Variants in TTC7B observed in about 807,000 individuals in gnomAD.
TTC7B encodes the protein tetratricopeptide repeat protein 7B.
In TTC7B, 28 loss-of-function variants were observed where a neutral mutation model predicts 106.8. That is an observed-to-expected ratio of 0.26 (90% confidence interval 0.19 to 0.36). TTC7B has a LOEUF of 0.36. Ranked by LOEUF, TTC7B falls within the 10% of genes least tolerant of loss-of-function variation. The pLI, the probability that TTC7B is intolerant of heterozygous loss-of-function variation, is 1.00. For missense variants in TTC7B, 862 were observed against 1,076.4 expected (o/e 0.80, Z 2.79); for synonymous variants, 405 against 430.6 (o/e 0.94, Z 0.74).
At chr14:90,801,274 G>T (rs890329310) in intron 1 of TTC7B, among the ~76,000 whole-genome samples, 13 of 146,894 alleles carry the variant, frequency 8.8e-5, no homozygotes, top group African/African-American at 2.8e-4. Flanking sequence ...GCAGCCTCTA[G>T]AAGCTGGAAA....
intron 1 of TTC7B, among the ~76,000 whole-genome samples, chr14:90,801,851 A>C (rs1208951421): frequency 1.3e-5 from 2 of 152,148 alleles, no homozygotes; most frequent in Non-Finnish European, 2.9e-5. Context: ...ACCTGAGGTC[A>C]GGAGTTCGAG....
At chr14:90,778,590 C>CCACA (rs10611473) in intron 3 of TTC7B, among the ~76,000 whole-genome samples, 6,211 of 150,882 alleles carry the variant, frequency 0.041, 161 homozygotes, top group Non-Finnish European at 0.057. Flanking sequence ...CTGTTGCTGG[C>CCACA]CACACACACA....
intron 3 of TTC7B, among the ~76,000 whole-genome samples, chr14:90,768,124 A>G (rs1266623395): frequency 6.6e-6 from 1 of 152,234 alleles, no homozygotes; most frequent in Non-Finnish European, 1.5e-5. Flanking sequence ...CTCATCAGAA[A>G]CATAAGAGGC....
intron 17 of TTC7B, chr14:90,601,861 A>G (rs2139831239): frequency 3.5e-6 from 1 of 288,982 alleles, no homozygotes; most frequent in South Asian, 3.4e-5. Context: ...TGGAATTTAC[A>G]TTTTTACAGA....
intron 12 of TTC7B, 60 bp downstream of exon 12, chr14:90,654,933 G>A (rs1486914182): frequency 7.6e-6 from 10 of 1,307,530 alleles, no homozygotes; most frequent in Non-Finnish European, 1.1e-5. Flanking sequence ...AATCCCGCAG[G>A]GTAGACTTAG....
At chr14:90,761,444 C>G (rs746752167) in intron 3 of TTC7B, among the ~76,000 whole-genome samples, 5 of 152,252 alleles carry the variant, frequency 3.3e-5, no homozygotes, top group African/African-American at 1.2e-4. Context: ...AGACCATTTT[C>G]CACACCCCTA....
chr14:90,543,080 A>G, intron 19 of TTC7B, among the ~76,000 whole-genome samples: 1 of 152,332 alleles, frequency 6.6e-6, no homozygotes, highest in Middle Eastern at 3.4e-3. Context: ...TTGAGGTTAA[A>G]TATTTCCCAT....
intron 1 of TTC7B, among the ~76,000 whole-genome samples, chr14:90,806,601 C>T (rs111686054): frequency 1.8e-3 from 275 of 152,306 alleles, no homozygotes; most frequent in African/African-American, 5.7e-3. Flanking sequence ...CACAAAATAA[C>T]CTTGCAGATA....
Position 90,644,118 on chromosome 14 carries a change from C to A in TTC7B, c.1681G>T (p.Ala561Ser). ...AGAGCGTCATGGTAATGCTTCTGTG[C>A]TGACAGCAGGAGGGCAAGGAGGTGC... is the stretch of plus-strand genomic sequence containing the variant. Reference protein sequence around the residue: ...SLHLLALLLSAQKHYHDALNI... With the variant: ...SLHLLALLLSSQKHYHDALNI... Residue 561 changes from alanine (A) to serine (S), a missense_variant, in exon 15 of 20, where the codon GCA becomes TCA. Transcript: ENST00000328459. The A allele has an allele frequency of 6.2e-7, 1 of 1,614,106 alleles. No homozygotes were observed. Among genetic ancestry groups the A allele is most frequent in the African/African-American group, 1.3e-5 (1 of 75,022 alleles).
In TTC7B at chr14:90,655,115, A is replaced by G. The variant is rs749711741; in HGVS notation, c.1342-5T>C. The G allele has an allele frequency of 6.2e-7, 1 of 1,605,980 alleles. No individual in the cohort carries two copies. Among genetic ancestry groups the G allele is most frequent in the South Asian group, 1.1e-5 (1 of 90,952 alleles). On this transcript the variant is annotated splice_polypyrimidine_tract_variant and splice_region_variant and intron_variant, in intron 11 of 19. Transcript: ENST00000328459. ...AAACTTTTCAGCCTCTTCCAACTGA[A>G]AAATGAGACAAGTTAAAAACAACAA... is the stretch of plus-strand genomic sequence containing the variant.
chr14:90,693,742 C>A (rs887831272), intron 6 of TTC7B, among the ~76,000 whole-genome samples: 1 of 152,122 alleles, frequency 6.6e-6, no homozygotes, highest in Non-Finnish European at 1.5e-5. Context: ...AAATTGGAAC[C>A]CTCATAACTG....
intron 9 of TTC7B, among the ~76,000 whole-genome samples, chr14:90,669,433 T>C (rs759339616): frequency 5.9e-5 from 9 of 151,932 alleles, no homozygotes; most frequent in Non-Finnish European, 8.8e-5. Flanking sequence ...GCATGGTAGC[T>C]CATGCCTGTA....
intron 11 of TTC7B, among the ~76,000 whole-genome samples, chr14:90,656,144 C>T (rs1885938607): frequency 6.6e-6 from 1 of 152,200 alleles, no homozygotes; most frequent in African/African-American, 2.4e-5. Context: ...ATCTTTTCTA[C>T]ATTTTCCCAA....
intron 19 of TTC7B, among the ~76,000 whole-genome samples, chr14:90,554,452 T>C (rs1890216964): frequency 6.6e-6 from 1 of 152,236 alleles, no homozygotes; most frequent in African/African-American, 2.4e-5. Flanking sequence ...TTGTTCACTC[T>C]GCTCCAACCA....
At chr14:90,630,839 T>G (rs1884668934) in intron 15 of TTC7B, among the ~76,000 whole-genome samples, 1 of 91,778 alleles carries the variant, frequency 1.1e-5, no homozygotes, top group Non-Finnish European at 2.9e-5. Context: ...TTGTTTTTTG[T>G]TTTTTTTTTT....
intron 19 of TTC7B, among the ~76,000 whole-genome samples, chr14:90,566,553 A>G (rs561126020): frequency 4.9e-4 from 74 of 152,314 alleles, no homozygotes; most frequent in African/African-American, 1.8e-3. Flanking sequence ...AAAAAAAAGA[A>G]TGAAAACACT....
At position 90,807,452 on chromosome 14, in the gene TTC7B, C is replaced by T. The variant is rs1485401063; in HGVS notation, c.121+8723G>A. Among the ~76,000 whole-genome samples, 1 of 152,204 alleles carries T rather than the reference C, an allele frequency of 6.6e-6. No individual in the cohort carries two copies. Among genetic ancestry groups the T allele is most frequent in the Admixed American group, 6.5e-5 (1 of 15,280 alleles). ...TCCTGAGTCCCTAAACCACTAAGAC[C>T]TCCTGAAGCAGAAGCTCAGGCCCAG... On this transcript the variant is annotated intron_variant, in intron 1 of 19. Coordinates refer to ENST00000328459, the MANE Select transcript of TTC7B (RefSeq NM_001010854.2). The surrounding 1 kb of genome is among the most constrained non-coding windows in gnomAD (Gnocchi z 4.1).
chr14:90,657,413 G>A lies in TTC7B; in HGVS notation c.1237-135C>T, dbSNP rs948494947. 131 of 707,900 alleles carry A rather than the reference G, an allele frequency of 1.9e-4. No individual in the cohort carries two copies. Among genetic ancestry groups the A allele is most frequent in the Non-Finnish European group, 2.9e-4 (127 of 434,560 alleles). The allele number at this position is 707,900 out of a possible 1,614,324, so 43.9% of individuals were successfully genotyped here. ...CAACTTTAAGCCCAAGCAAGCGGGGGCCTGAGGTGCATGAAAACCAGAGCC... is the reference window on the plus strand; with the variant it reads ...CAACTTTAAGCCCAAGCAAGCGGGGACCTGAGGTGCATGAAAACCAGAGCC... On this transcript the variant is annotated intron_variant, in intron 10 of 19. Coordinates refer to ENST00000328459, the MANE Select transcript of TTC7B (RefSeq NM_001010854.2). This position sits in a 1 kb window ranked among gnomAD's most constrained non-coding sequence, Gnocchi z 4.2.
At chr14:90,558,636 AT>A (rs749280509) in intron 19 of TTC7B, among the ~76,000 whole-genome samples, 2 of 152,078 alleles carry the variant, frequency 1.3e-5, no homozygotes, top group East Asian at 1.9e-4. Context: ...GCCTTGGAAA[AT>A]TTTTTTCCAC....
Sources: gnomAD v4.1 joint callset for allele counts (sites outside exome capture counted in the v4.1 genomes callset) on GRCh38, gnomAD v4.1.1 for gene constraint, Gnocchi (gnomAD v3.1) non-coding constraint, MANE v1.5 for transcripts, NCBI Gene and HGNC (gene_info 2026-07-23, HGNC 2026-07-21) for gene names.